MLIP: variants seen among roughly 807,000 people sequenced by gnomAD.
MLIP encodes muscular LMNA-interacting protein.
A neutral mutation model predicts 84.8 loss-of-function variants in MLIP; 79 were observed. That is an observed-to-expected ratio of 0.93 (90% CI 0.78 to 1.12). The LOEUF (loss-of-function observed/expected upper bound fraction) is 1.12, where lower values mean the gene tolerates loss of function less well. Among genes scored for constraint, MLIP ranks in the 50% most tolerant of loss-of-function variants. The pLI is 0.00. For synonymous variants in MLIP, 504 were observed against 463.0 expected (o/e 1.09, Z -1.14); for missense variants, 1,257 against 1,160.6 (o/e 1.08, Z -1.21).
rs1180106365 is a variant in MLIP at position 54,068,038 on chromosome 6, TCTTTCC to T, written c.63+48948_63+48953del. On this transcript the variant is annotated intron_variant, in intron 1 of 12. Coordinates refer to the MLIP transcript ENST00000274897. ...CTCCTTCCTTCCTTCCTTCCTTTTT[TCTTTCC>T]TTCCTTCCTTCCTTCCTTCCTTCCT... Among the ~76,000 whole-genome samples the T allele has an allele frequency of 8.7e-4, 40 of 45,838 alleles. 2 individuals carry two copies. Among genetic ancestry groups the T allele is most frequent in the African/African-American group, 1.5e-3 (37 of 24,298 alleles). The allele number at this position is 45,838 out of a possible 152,430, so 30.1% of individuals were successfully genotyped here.
intron 9 of MLIP, among the ~76,000 whole-genome samples, chr6:54,182,380 C>T (rs1776967014): frequency 6.6e-6 from 1 of 152,148 alleles, no homozygotes; most frequent in Admixed American, 6.6e-5. Flanking sequence ...ATGGTCACTA[C>T]TGGGGAGTAG....
At position 54,177,442 on chromosome 6, in the gene MLIP, A is replaced by C. The variant is rs554776724; in HGVS notation, c.2544+7870A>C. Among the ~76,000 whole-genome samples, 15 of 152,344 alleles carry C rather than the reference A, an allele frequency of 9.8e-5. No homozygotes were observed. The South Asian group carries it at 3.1e-3, about 32-fold the overall frequency. ...TTAGGCAGCCAAGAAACATGAAAAA[A>C]AGCTTAACATCACAGATCATTAGAG... is the stretch of plus-strand genomic sequence containing the variant. On this transcript the variant is annotated intron_variant, in intron 9 of 13. Coordinates refer to ENST00000502396, the MANE Select transcript of MLIP (RefSeq NM_001281747.2).
At chr6:54,145,065 T>G (rs1473165139) in intron 4 of MLIP, among the ~76,000 whole-genome samples, 1 of 152,186 alleles carries the variant, frequency 6.6e-6, no homozygotes, top group Non-Finnish European at 1.5e-5. Context: ...AAGAAATATT[T>G]TTTAAATGTT....
upstream of MLIP, among the ~76,000 whole-genome samples, chr6:54,109,078 A>G (rs185308467): frequency 2.8e-3 from 425 of 150,194 alleles, 1 homozygote; most frequent in Admixed American, 5.0e-3. Flanking sequence ...TATATAAATC[A>G]AAACACCAAA....
intron 1 of MLIP, among the ~76,000 whole-genome samples, chr6:54,094,325 G>A (rs1768064693): frequency 6.6e-6 from 1 of 151,756 alleles, no homozygotes; most frequent in South Asian, 2.1e-4. Flanking sequence ...TTAATTGGCA[G>A]GTATGGAGAA....
intron 9 of MLIP, among the ~76,000 whole-genome samples, chr6:54,178,056 G>A (rs1006692718): frequency 6.6e-6 from 1 of 152,112 alleles, no homozygotes; most frequent in Non-Finnish European, 1.5e-5. Context: ...TCTCGGGAGG[G>A]TAGGGAGAGG....
chr6:54,174,543 T>C (rs187627476), intron 9 of MLIP, among the ~76,000 whole-genome samples: 1 of 152,210 alleles, frequency 6.6e-6, no homozygotes, highest in East Asian at 1.9e-4. Flanking sequence ...CATTTGGATG[T>C]TTCCTTTTGA....
chr6:54,216,579 TA>T, intron 11 of MLIP: 1 of 978,200 alleles, frequency 1.0e-6, no homozygotes, highest in South Asian at 4.7e-5. Context: ...AATTCTATCT[TA>T]AAAATTATGT....
chr6:54,155,921 G>T (rs1018244789), intron 5 of MLIP, among the ~76,000 whole-genome samples: 1 of 151,978 alleles, frequency 6.6e-6, no homozygotes, highest in African/African-American at 2.4e-5. Context: ...TGAGCTCAAA[G>T]AATATTCCAT....
chr6:54,107,581 C>T (rs905709967), upstream of MLIP, among the ~76,000 whole-genome samples: 8 of 152,202 alleles, frequency 5.3e-5, no homozygotes, highest in South Asian at 1.7e-3. Context: ...AGAAATAGGA[C>T]CTAGGAGTGC....
chr6:54,154,707 A>G lies in MLIP; in HGVS notation c.2289+5580A>G, dbSNP rs537430132. ...CCTGCCTACAACACTTGTTTTCATT[A>G]CTTGCTAAAATATATTTATATCTTC... is the stretch of plus-strand genomic sequence containing the variant. On this transcript the variant is annotated intron_variant, in intron 5 of 13. Coordinates refer to ENST00000502396, the MANE Select transcript of MLIP (RefSeq NM_001281747.2). 2.0e-5 allele frequency among the ~76,000 whole-genome samples: 3 copies of G among 152,286 alleles called. No individual in the cohort carries two copies. In the South Asian group the frequency reaches 6.2e-4, roughly 32 times the overall value.
intron 10 of MLIP, among the ~76,000 whole-genome samples, chr6:54,200,206 A>T (rs1341958267): frequency 6.6e-6 from 1 of 152,174 alleles, no homozygotes; most frequent in East Asian, 1.9e-4. Flanking sequence ...GCCCTAGGCC[A>T]GAATAACCCC....
At chr6:54,149,539 G>A (rs1773215969) in intron 5 of MLIP, among the ~76,000 whole-genome samples, 2 of 152,242 alleles carry the variant, frequency 1.3e-5, no homozygotes, top group African/African-American at 2.4e-5. Flanking sequence ...TTGTTGACTG[G>A]TAAAGACTTG....
chr6:54,083,750 C>A, intron 1 of MLIP: 1 of 994,918 alleles, frequency 1.0e-6, no homozygotes, highest in Non-Finnish European at 1.5e-6. Context: ...GGTGGCATGG[C>A]TGTTTATAAT....
rs146730657 is a variant in MLIP at position 54,121,558 on chromosome 6, A to G, written c.208A>G (p.Ile70Val). Reference protein sequence around the residue: ...LADTSKFLVKIPEESSDKSPE... With the variant: ...LADTSKFLVKVPEESSDKSPE... ...TGACACCTCTAAATTCCTTGTTAAA[A>G]TTCCAGAAGAATCAAGTGATAAGAG... The change falls in exon 2 of 14, where the codon ATT (isoleucine) becomes GTT (valine). Residue 70 changes from isoleucine to valine, a missense_variant. Ile to Val is a conservative substitution (Grantham distance 29, BLOSUM62 3). Coordinates refer to ENST00000502396, the MANE Select transcript of MLIP (RefSeq NM_001281747.2). The G allele has an allele frequency of 4.1e-5, 66 of 1,613,848 alleles. 1 individual carries two copies. In the Middle Eastern group the frequency reaches 3.5e-3, roughly 85 times the overall value.
intron 9 of MLIP, among the ~76,000 whole-genome samples, chr6:54,176,264 C>T (rs1408409786): frequency 6.6e-6 from 1 of 151,202 alleles, no homozygotes; most frequent in Non-Finnish European, 1.5e-5. Context: ...TTGTAGTATT[C>T]CCTTCTCCTT....
At position 54,169,554 on chromosome 6, in the gene MLIP, TG is replaced by T; in HGVS notation, c.2528del (p.Gly843ValfsTer21). On this transcript the variant is annotated frameshift_variant, in exon 9 of 14. Transcript: ENST00000502396. LOFTEE classifies it high-confidence loss of function. ...CTCCTACAACTCTTCCAAGAGCAGC[TG>T]GTCGAGAAACCAAATATGTAAGTAC... ...KTPTTLPRAA[G>X]RETKYANLSS... is the part of the protein sequence containing the mutation. 1 of 1,590,996 alleles carries T rather than the reference TG, an allele frequency of 6.3e-7. No individual in the cohort carries two copies. Among genetic ancestry groups the T allele is most frequent in the East Asian group, 2.3e-5 (1 of 43,924 alleles).
intron 11 of MLIP, chr6:54,217,379 A>G (rs1466260046): frequency 1.0e-6 from 1 of 985,452 alleles, no homozygotes; most frequent in African/African-American, 1.7e-5. Context: ...ACAGTTTTTG[A>G]AGTTAAACAG....
rs1774535551 is a variant in MLIP at position 54,160,671 on chromosome 6, T to G, written c.2440-69T>G. ...CTCTTCATTTTCCTCTACTTTAGTATGATGCCTCACAGGCTTGTCCTTTTC... is the reference window on the plus strand; with the variant it reads ...CTCTTCATTTTCCTCTACTTTAGTAGGATGCCTCACAGGCTTGTCCTTTTC... On this transcript the variant is annotated intron_variant, in intron 7 of 13. Transcript: ENST00000502396. 4 of 1,498,440 alleles carry G rather than the reference T, an allele frequency of 2.7e-6. No homozygotes were observed. In the Admixed American group the frequency reaches 6.8e-5, roughly 25 times the overall value. 92.8% of individuals were successfully genotyped at this position (1,498,440 alleles called of 1,614,324 possible). A position where few individuals can be genotyped will look rare whatever the true frequency, so the allele number is the denominator to read the frequency against.
Sources: allele counts gnomAD v4.1 joint callset (sites outside exome capture counted in the v4.1 genomes callset), GRCh38; gene constraint gnomAD v4.1.1; transcripts MANE v1.5; gene names NCBI Gene and HGNC (gene_info 2026-07-23, HGNC 2026-07-21).